PLCG2: variants seen among roughly 807,000 people sequenced by gnomAD.
The protein encoded by PLCG2 is phospholipase C gamma 2, also known as 1-phosphatidylinositol 4,5-bisphosphate phosphodiesterase gamma-2.
A neutral mutation model predicts 175.6 loss-of-function variants in PLCG2; 69 were observed. The ratio of observed to expected loss-of-function variants is 0.39; its 90% CI spans 0.32 to 0.48. The LOEUF (loss-of-function observed/expected upper bound fraction) is 0.48. PLCG2 is among the 20% of genes least tolerant of loss of function. The pLI is 0.91. For synonymous variants in PLCG2, 827 were observed against 624.0 expected (o/e 1.33, Z -4.85); for missense variants, 1,798 against 1,650.9 (o/e 1.09, Z -1.54).
intron 2 of PLCG2, among the ~76,000 whole-genome samples, chr16:81,829,513 CG>C (rs1905177317): frequency 6.6e-6 from 1 of 152,180 alleles, no homozygotes; most frequent in Non-Finnish European, 1.5e-5. Context: ...CCACCACACC[CG>C]GCCCATTTCT....
intron 24 of PLCG2, among the ~76,000 whole-genome samples, chr16:81,929,846 G>T: frequency 6.6e-6 from 1 of 152,368 alleles, no homozygotes; most frequent in South Asian, 2.1e-4. Context: ...GGGCAGGGGG[G>T]TGCAGGATCC....
At chr16:81,742,220 C>T (rs1909611423) in intron 1 of PLCG2, among the ~76,000 whole-genome samples, 1 of 151,744 alleles carries the variant, frequency 6.6e-6, no homozygotes, top group African/African-American at 2.4e-5. Context: ...AAAAGATGAC[C>T]TAGAGAGTCC....
chr16:81,850,264 G>T (rs913477452), intron 2 of PLCG2, among the ~76,000 whole-genome samples: 3 of 152,190 alleles, frequency 2.0e-5, no homozygotes, highest in African/African-American at 4.8e-5. Flanking sequence ...CTATAAGAAA[G>T]TGTGCTCATT....
At chr16:81,898,896 A>C (rs1909013638) in intron 13 of PLCG2, among the ~76,000 whole-genome samples, 1 of 152,190 alleles carries the variant, frequency 6.6e-6, no homozygotes, top group Non-Finnish European at 1.5e-5. Flanking sequence ...AATGAAATAC[A>C]AATATAGGCT....
intron 1 of PLCG2, among the ~76,000 whole-genome samples, chr16:81,745,228 C>T (rs983376814): frequency 1.3e-5 from 2 of 152,160 alleles, no homozygotes; most frequent in African/African-American, 4.8e-5. Context: ...TCCTAGCCTC[C>T]CTCCCACTGA....
At chr16:81,740,068 G>A (rs916505097) in intron 1 of PLCG2, among the ~76,000 whole-genome samples, 2 of 150,534 alleles carry the variant, frequency 1.3e-5, no homozygotes, top group South Asian at 4.2e-4. Flanking sequence ...AGCCTGGGAG[G>A]TGGGGGTTGC....
intron 2 of PLCG2, among the ~76,000 whole-genome samples, chr16:81,794,552 C>A (rs1476859505): frequency 6.6e-6 from 1 of 152,144 alleles, no homozygotes; most frequent in East Asian, 1.9e-4. Flanking sequence ...TGGTCCTGCA[C>A]TTGGTAGGGG....
intron 2 of PLCG2, among the ~76,000 whole-genome samples, chr16:81,772,454 C>T (rs577998646): frequency 5.3e-5 from 8 of 152,092 alleles, no homozygotes; most frequent in Admixed American, 3.3e-4. Flanking sequence ...TAATTTGTTA[C>T]GGCAGCCTTT....
intron 2 of PLCG2, among the ~76,000 whole-genome samples, chr16:81,791,400 T>C (rs1053896460): frequency 1.3e-5 from 2 of 151,898 alleles, no homozygotes; most frequent in Admixed American, 6.6e-5. Flanking sequence ...AACAAGCAGA[T>C]TTGTGGGTCA....
intron 31 of PLCG2, among the ~76,000 whole-genome samples, chr16:81,946,981 A>G (rs1911177805): frequency 6.6e-6 from 1 of 152,130 alleles, no homozygotes; most frequent in African/African-American, 2.4e-5. Flanking sequence ...TTGCCCGGGG[A>G]AAGGGAACCA....
chr16:81,948,254 A>G (rs1055760425), intron 31 of PLCG2, among the ~76,000 whole-genome samples: 2 of 136,222 alleles, frequency 1.5e-5, no homozygotes, highest in East Asian at 4.0e-4. Flanking sequence ...GTCGTATTAT[A>G]TCCCATCTTG....
intron 2 of PLCG2, among the ~76,000 whole-genome samples, chr16:81,808,892 C>T (rs1172699500): frequency 1.3e-5 from 2 of 152,162 alleles, no homozygotes; most frequent in African/African-American, 4.8e-5. Context: ...TGGAGGGGCT[C>T]CCATGAGATC....
chr16:81,901,061 A>C (rs184736226), intron 14 of PLCG2, among the ~76,000 whole-genome samples: 1 of 152,246 alleles, frequency 6.6e-6, no homozygotes, highest in East Asian at 1.9e-4. Context: ...AATGCGTGCA[A>C]CTGCGCCTGT....
intron 1 of PLCG2, among the ~76,000 whole-genome samples, chr16:81,746,593 C>T (rs1387772335): frequency 2.0e-5 from 3 of 152,166 alleles, no homozygotes; most frequent in African/African-American, 7.2e-5. Context: ...TTGTCAATCT[C>T]CAACCCTAAC....
chr16:81,925,468 G>A (rs1201088641), intron 22 of PLCG2, among the ~76,000 whole-genome samples: 1 of 152,176 alleles, frequency 6.6e-6, no homozygotes, highest in African/African-American at 2.4e-5. Flanking sequence ...GGCGTGAAAA[G>A]GGCTTACAAC....
chr16:81,814,149 G>T (rs1004748007), intron 2 of PLCG2, among the ~76,000 whole-genome samples: 1 of 152,166 alleles, frequency 6.6e-6, no homozygotes, highest in African/African-American at 2.4e-5. Context: ...GCCAAACTTT[G>T]GGGCTAGGAT....
chr16:81,770,622 G>C (rs1910257079), intron 2 of PLCG2, among the ~76,000 whole-genome samples: 1 of 152,142 alleles, frequency 6.6e-6, no homozygotes, highest in Admixed American at 6.6e-5. Flanking sequence ...GGCTGAGGTG[G>C]GAGGATTGTA....
At chr16:81,949,011 G>A (rs1911264052) in intron 31 of PLCG2, among the ~76,000 whole-genome samples, 1 of 152,168 alleles carries the variant, frequency 6.6e-6, no homozygotes, top group Admixed American at 6.5e-5. Context: ...GGAATTCAGA[G>A]AATAGACCTG....
chr16:81,777,890 A>G (rs1910473741), upstream of PLCG2, among the ~76,000 whole-genome samples: 2 of 151,584 alleles, frequency 1.3e-5, no homozygotes, highest in Non-Finnish European at 1.5e-5. Flanking sequence ...GATGGCATAC[A>G]CCTATAATCC....
Sources: allele counts gnomAD v4.1 joint callset (sites outside exome capture counted in the v4.1 genomes callset), GRCh38; gene constraint gnomAD v4.1.1; transcripts MANE v1.5; gene names NCBI Gene and HGNC (gene_info 2026-07-23, HGNC 2026-07-21).